The following JAZF1 variants were observed in gnomAD, a reference collection of about 807,000 sequenced individuals.
The protein encoded by JAZF1 is juxtaposed with another zinc finger protein 1.
A neutral mutation model predicts 26.4 loss-of-function variants in JAZF1; 8 were observed. That is an observed-to-expected ratio of 0.30 (90% CI 0.18 to 0.55). JAZF1 has a LOEUF of 0.55. JAZF1 is among the 20% of genes least tolerant of loss of function. The pLI, the probability that JAZF1 is intolerant of heterozygous loss-of-function variation, is 0.94. For synonymous variants in JAZF1, 126 were observed against 122.3 expected (o/e 1.03, Z -0.20); for missense variants, 199 against 322.0 (o/e 0.62, Z 2.92).
At chr7:27,866,599 G>A (rs1052454258) in intron 3 of JAZF1, among the ~76,000 whole-genome samples, 30 of 152,204 alleles carry the variant, frequency 2.0e-4, no homozygotes, top group Non-Finnish European at 3.5e-4. Context: ...CTATAGTCCT[G>A]TTAATCAGTA....
intron 1 of JAZF1, among the ~76,000 whole-genome samples, chr7:28,101,678 A>G (rs920583819): frequency 5.3e-5 from 8 of 150,678 alleles, no homozygotes; most frequent in African/African-American, 1.7e-4. Context: ...CAGGAGGTTG[A>G]GGCTGCAGTG....
At chr7:28,079,405 C>T (rs1311600292) in intron 1 of JAZF1, among the ~76,000 whole-genome samples, 2 of 152,168 alleles carry the variant, frequency 1.3e-5, no homozygotes, top group African/African-American at 4.8e-5. Flanking sequence ...CACTTCTTAA[C>T]TCAAAATACA....
intron 2 of JAZF1, among the ~76,000 whole-genome samples, chr7:27,906,713 T>G (rs1784264374): frequency 6.6e-6 from 1 of 152,228 alleles, no homozygotes; most frequent in Non-Finnish European, 1.5e-5. Flanking sequence ...ATACCACAAG[T>G]CTTTGGTTTG....
intron 1 of JAZF1, among the ~76,000 whole-genome samples, chr7:28,127,243 C>T (rs1367600590): frequency 6.6e-6 from 1 of 152,202 alleles, no homozygotes; most frequent in African/African-American, 2.4e-5. Flanking sequence ...GTCATGCCTT[C>T]AGTCTTTGAA....
chr7:28,144,809 T>G (rs900399833), intron 1 of JAZF1, among the ~76,000 whole-genome samples: 2 of 152,220 alleles, frequency 1.3e-5, no homozygotes, highest in Admixed American at 6.5e-5. Flanking sequence ...CTCCTAATTT[T>G]CCGATTTCAG....
chr7:27,934,882 GT>G (rs2128350738), intron 2 of JAZF1, among the ~76,000 whole-genome samples: 1 of 152,308 alleles, frequency 6.6e-6, no homozygotes, highest in South Asian at 2.1e-4. Flanking sequence ...AAACTTTAGT[GT>G]TGCAAATGAT....
At chr7:28,093,824 C>CTACATTGTT (rs1278183667) in intron 1 of JAZF1, among the ~76,000 whole-genome samples, 1 of 152,198 alleles carries the variant, frequency 6.6e-6, no homozygotes, top group African/African-American at 2.4e-5. Context: ...TAGCGCCCCC[C>CTACATTGTT]TGTGGCAATG....
At chr7:27,843,011 T>C (rs772025449) in intron 3 of JAZF1, 5 of 152,262 alleles carry the variant, frequency 3.3e-5, no homozygotes, top group Non-Finnish European at 7.3e-5. Flanking sequence ...CAGCCTACAC[T>C]GTCTGCGTCT....
At chr7:27,990,012 T>C (rs549149293) in intron 2 of JAZF1, among the ~76,000 whole-genome samples, 11 of 152,250 alleles carry the variant, frequency 7.2e-5, no homozygotes, top group African/African-American at 2.2e-4. Flanking sequence ...CTATTCACAA[T>C]AGCAAAGACT....
chr7:27,968,799 T>C (rs1214572097), intron 2 of JAZF1, among the ~76,000 whole-genome samples: 4 of 152,040 alleles, frequency 2.6e-5, no homozygotes, highest in African/African-American at 9.7e-5. Flanking sequence ...CTGGTTGGTG[T>C]TGAACATAAT....
chr7:27,842,458 C>T (rs760764821), intron 3 of JAZF1: 8 of 152,000 alleles, frequency 5.3e-5, no homozygotes, highest in African/African-American at 7.2e-5. Flanking sequence ...AGATGGAATT[C>T]GAAGCAGTCT....
intron 1 of JAZF1, among the ~76,000 whole-genome samples, chr7:28,066,582 G>A (rs111649005): frequency 0.015 from 1,957 of 126,570 alleles, 24 homozygotes; most frequent in Admixed American, 0.023. Flanking sequence ...CAGCCTGGGC[G>A]ACAGAGCGAG....
intron 1 of JAZF1, among the ~76,000 whole-genome samples, chr7:28,069,032 C>T (rs2127909140): frequency 6.6e-6 from 1 of 152,328 alleles, no homozygotes; most frequent in East Asian, 1.9e-4. Context: ...AAGATGTTCC[C>T]TGGGCTCTGG....
intron 1 of JAZF1, among the ~76,000 whole-genome samples, chr7:28,169,457 C>G (rs903998578): frequency 6.6e-6 from 1 of 152,214 alleles, no homozygotes; most frequent in Non-Finnish European, 1.5e-5. Context: ...TAAACTATCT[C>G]TAAGTTACAG....
intron 2 of JAZF1, among the ~76,000 whole-genome samples, chr7:27,976,121 G>A (rs1052336739): frequency 1.3e-5 from 2 of 152,094 alleles, no homozygotes; most frequent in Admixed American, 1.3e-4. Context: ...AAGGCGGGCG[G>A]ATCACGAGGT....
chr7:27,987,337 C>T (rs1435841320), intron 2 of JAZF1, among the ~76,000 whole-genome samples: 30 of 151,602 alleles, frequency 2.0e-4, no homozygotes, highest in African/African-American at 6.8e-4. Context: ...AGTGTCTCTG[C>T]CCGACCGCCA....
chr7:27,862,077 G>A (rs1255898008), intron 3 of JAZF1, among the ~76,000 whole-genome samples: 1 of 152,208 alleles, frequency 6.6e-6, no homozygotes, highest in Non-Finnish European at 1.5e-5. Context: ...GATACAGAGG[G>A]GGAAAGGAAG....
chr7:28,123,731 T>C (rs1377464623), intron 1 of JAZF1, among the ~76,000 whole-genome samples: 3 of 152,126 alleles, frequency 2.0e-5, no homozygotes, highest in Non-Finnish European at 4.4e-5. Context: ...TCTATAGCAA[T>C]GATGGAAGAT....
intron 3 of JAZF1, among the ~76,000 whole-genome samples, chr7:27,874,803 G>A (rs1783647055): frequency 6.6e-6 from 1 of 152,192 alleles, no homozygotes; most frequent in Non-Finnish European, 1.5e-5. Flanking sequence ...TGGGCCCTGG[G>A]TGGGAAGGCT....
Sources: allele counts gnomAD v4.1 joint callset (sites outside exome capture counted in the v4.1 genomes callset), GRCh38; gene constraint gnomAD v4.1.1; transcripts MANE v1.5; gene names NCBI Gene and HGNC (gene_info 2026-07-23, HGNC 2026-07-21).